The following CYFIP2 variants were observed in gnomAD, a reference collection of about 807,000 sequenced individuals.
CYFIP2 encodes the protein cytoplasmic FMR1-interacting protein 2.
In CYFIP2, 29 loss-of-function variants were observed where a neutral mutation model predicts 158.7. The observed-to-expected ratio is 0.18, with a 90% CI of 0.14 to 0.25. CYFIP2 has a LOEUF of 0.25. Ranked by LOEUF, CYFIP2 falls within the 10% of genes least tolerant of loss-of-function variation. CYFIP2 has a pLI of 1.00. For missense variants in CYFIP2, 852 were observed against 1,639.5 expected (o/e 0.52, Z 8.29); for synonymous variants, 585 against 617.6 (o/e 0.95, Z 0.78).
At chr5:157,329,301 C>T (rs1248928345) in intron 19 of CYFIP2, among the ~76,000 whole-genome samples, 2 of 152,204 alleles carry the variant, frequency 1.3e-5, no homozygotes, top group Non-Finnish European at 2.9e-5. Context: ...GAGTTTCTGG[C>T]TTCTGTAAGA....
At chr5:157,340,880 G>A (rs1348803932) in intron 22 of CYFIP2, among the ~76,000 whole-genome samples, 190 bp from the exon 23 acceptor site, 1 of 152,162 alleles carries the variant, frequency 6.6e-6, no homozygotes, top group Non-Finnish European at 1.5e-5. Flanking sequence ...CCCATCTATA[G>A]AAAGGAGACG....
chr5:157,392,744 A>G, intron 30 of CYFIP2, 89 bp from the exon 31 acceptor site: 2 of 1,385,546 alleles, frequency 1.4e-6, no homozygotes, highest in Non-Finnish European at 2.0e-6. Context: ...GATGCAGGGG[A>G]CCCTGGACCT....
intron 21 of CYFIP2, among the ~76,000 whole-genome samples, chr5:157,337,737 A>G (rs1761963648): frequency 2.0e-5 from 3 of 152,176 alleles, no homozygotes; most frequent in Admixed American, 6.5e-5. Context: ...AGCCGACCCT[A>G]TGGTCATCCC....
chr5:157,391,472 A>G (rs927255212), intron 30 of CYFIP2, among the ~76,000 whole-genome samples: 2 of 152,166 alleles, frequency 1.3e-5, no homozygotes, highest in Non-Finnish European at 2.9e-5. Context: ...GCCCCTGGTA[A>G]CCATCATTCT....
intron 27 of CYFIP2, 172 bp from the exon 28 acceptor site, chr5:157,383,093 A>G: frequency 1.6e-6 from 1 of 610,850 alleles, no homozygotes; most frequent in Non-Finnish European, 2.9e-6. Context: ...ATCATAGAAC[A>G]TTTTTCCTTG....
At chr5:157,380,508 T>A (rs932767900) in intron 26 of CYFIP2, among the ~76,000 whole-genome samples, 9 of 152,182 alleles carry the variant, frequency 5.9e-5, no homozygotes, top group Admixed American at 4.6e-4. Flanking sequence ...TGTTATAATT[T>A]TGGAAAGGTG....
At chr5:157,347,806 C>G (rs1762801604) in intron 23 of CYFIP2, among the ~76,000 whole-genome samples, 1 of 152,244 alleles carries the variant, frequency 6.6e-6, no homozygotes, top group Non-Finnish European at 1.5e-5. Context: ...TCTTGTTTCA[C>G]AGTCCTGGGA....
At chr5:157,327,514 G>A (rs1040946994) in intron 18 of CYFIP2, among the ~76,000 whole-genome samples, 8 of 150,418 alleles carry the variant, frequency 5.3e-5, no homozygotes, top group Admixed American at 1.3e-4. Flanking sequence ...GCAGTGAGCC[G>A]AGATCACACC....
chr5:157,356,815 C>T (rs1486843933), intron 23 of CYFIP2, among the ~76,000 whole-genome samples: 1 of 152,178 alleles, frequency 6.6e-6, no homozygotes, highest in East Asian at 1.9e-4. Flanking sequence ...GACAGGGTGG[C>T]CTGTGACAGA....
In CYFIP2 at chr5:157,339,240, A is replaced by G; in HGVS notation, c.2569A>G (p.Asn857Asp). Residue 857 changes from asparagine to aspartate, a missense_variant, in exon 22 of 31, where the codon AAT becomes GAT. Physicochemically the swap from Asn to Asp is conservative, Grantham distance 23. This residue lies in a region of CYFIP2 where 191 missense variants were observed against 311.2 expected (regional missense o/e 0.61). Coordinates refer to ENST00000620254, the MANE Select transcript of CYFIP2 (RefSeq NM_001037333.3). ...TGACTTTCTCCCCAACTACTGCTAC[A>G]ATGGGTCCACTAACCGGTAAGGGAG... The part of the protein sequence containing the change: ...NFDFLPNYCY[N>D]GSTNRFVRTA... 6.2e-7 allele frequency: 1 copy of G among 1,613,900 alleles called. No individual in the cohort carries two copies. The highest frequency in any genetic ancestry group is 8.5e-7 in the Non-Finnish European group (1 of 1,179,854).
At chr5:157,287,176 C>A (rs557059352) in intron 3 of CYFIP2, 68 bp downstream of exon 3, 2 of 1,294,566 alleles carry the variant, frequency 1.5e-6, no homozygotes. Context: ...CGGGCAGCTT[C>A]TCACACCAGA....
chr5:157,330,724 C>T lies in CYFIP2; in HGVS notation c.2157-18C>T. On this transcript the variant is annotated intron_variant, in intron 19 of 30. Transcript: ENST00000620254. ...CACAATCTGTTTACTGGCCTTGTTT[C>T]ACTTTTATTCCTTGCAGTGTCCTGT... 6.2e-7 allele frequency: 1 copy of T among 1,606,706 alleles called. No homozygotes were observed. Among genetic ancestry groups the T allele is most frequent in the Non-Finnish European group, 8.5e-7 (1 of 1,173,388 alleles).
chr5:157,322,717 G>A (rs1239513892), intron 15 of CYFIP2, among the ~76,000 whole-genome samples: 1 of 152,242 alleles, frequency 6.6e-6, no homozygotes, highest in Non-Finnish European at 1.5e-5. Flanking sequence ...TCAGTGCCAG[G>A]CATGTGATGG....
chr5:157,325,301 T>C (rs1244825743), intron 16 of CYFIP2, among the ~76,000 whole-genome samples, 181 bp from the exon 17 acceptor site: 1 of 152,132 alleles, frequency 6.6e-6, no homozygotes, highest in Non-Finnish European at 1.5e-5. Flanking sequence ...TAACAAATGC[T>C]TGAGAGGCAG....
intron 7 of CYFIP2, among the ~76,000 whole-genome samples, chr5:157,303,663 C>T (rs1277979190): frequency 1.3e-5 from 2 of 152,132 alleles, no homozygotes; most frequent in African/African-American, 4.8e-5. Context: ...TTTTCTTTCT[C>T]TTGCCTGTGG....
Position 157,301,922 on chromosome 5 carries a change from A to G in CYFIP2, c.570-872A>G, listed in dbSNP as rs372132593. ...CATCTTCCTGGGCTGCAAGGTAACTAGAGAAAACAGACTGATTCTCACAAG... is the reference window on the plus strand; with the variant it reads ...CATCTTCCTGGGCTGCAAGGTAACTGGAGAAAACAGACTGATTCTCACAAG... On this transcript the variant is annotated intron_variant, in intron 6 of 30. Transcript: ENST00000620254. 7.2e-5 allele frequency among the ~76,000 whole-genome samples: 11 copies of G among 152,288 alleles called. 1 individual carries two copies. Among genetic ancestry groups the G allele is most frequent in the Admixed American group, 6.5e-4 (10 of 15,288 alleles).
chr5:157,368,123 A>G (rs1421150315), intron 26 of CYFIP2, among the ~76,000 whole-genome samples: 1 of 152,212 alleles, frequency 6.6e-6, no homozygotes, highest in East Asian at 1.9e-4. Flanking sequence ...ATTTTCTCAT[A>G]TAAAATTAGT....
intron 15 of CYFIP2, chr5:157,323,050 C>T (rs1418438662): frequency 8.5e-6 from 13 of 1,533,312 alleles, no homozygotes; most frequent in African/African-American, 1.4e-5. Context: ...GGTTTGGGTA[C>T]CCTTCTCGAG....
intron 23 of CYFIP2, among the ~76,000 whole-genome samples, chr5:157,352,181 TA>T (rs1397628202): frequency 6.6e-6 from 1 of 152,234 alleles, no homozygotes; most frequent in Non-Finnish European, 1.5e-5. Context: ...AACTTCCTGG[TA>T]ATTTTTTGGC....
Sources: allele counts gnomAD v4.1 joint callset (sites outside exome capture counted in the v4.1 genomes callset), GRCh38; gene constraint gnomAD v4.1.1; regional missense constraint gnomAD v4.1.1; transcripts MANE v1.5; gene names NCBI Gene and HGNC (gene_info 2026-07-23, HGNC 2026-07-21).